PACRG: variants seen among roughly 807,000 people sequenced by gnomAD.
PACRG encodes parkin coregulated gene protein.
PACRG carries 29 observed loss-of-function variants against 29.7 expected under a neutral mutation model. That is an observed-to-expected ratio of 0.98 (90% CI 0.73 to 1.33). The LOEUF (loss-of-function observed/expected upper bound fraction) is 1.33, where lower values mean the gene tolerates loss of function less well. Ranked by LOEUF, PACRG falls within the 40% of genes most tolerant of loss-of-function variation. The pLI is 0.00. For synonymous variants in PACRG, 116 were observed against 118.7 expected, an observed-to-expected ratio of 0.98 and a Z score of 0.15; for missense variants, 279 against 316.2, an observed-to-expected ratio of 0.88 and a Z score of 0.89.
Position 163,090,919 on chromosome 6 carries a change from A to T in PACRG, c.613+1511A>T, listed in dbSNP as rs571086625. ...TCAGTAATCCTCATGCAAACCTATG[A>T]TGCATGTACTATTACTATTTCCATT... is the stretch of plus-strand genomic sequence containing the variant. On this transcript the variant is annotated intron_variant, in intron 4 of 4. Coordinates refer to ENST00000366888, the MANE Select transcript of PACRG (RefSeq NM_001080379.2). Among the ~76,000 whole-genome samples the T allele has an allele frequency of 8.7e-4, 132 of 152,332 alleles. 1 individual carries two copies. The highest frequency in any genetic ancestry group is 3.1e-3 in the African/African-American group (128 of 41,586).
At chr6:163,111,418 C>T (rs2128319569) in intron 4 of PACRG, among the ~76,000 whole-genome samples, 1 of 152,322 alleles carries the variant, frequency 6.6e-6, no homozygotes, top group Admixed American at 6.5e-5. Flanking sequence ...CACTTTTATG[C>T]ATAATGAGGC....
intron 2 of PACRG, chr6:163,060,991 CTACA>C (rs1193587141): frequency 6.6e-6 from 1 of 151,798 alleles, no homozygotes; most frequent in Non-Finnish European, 1.5e-5. Flanking sequence ...TAATTTGTCT[CTACA>C]TAGGGAATAT....
chr6:163,035,682 G>T (rs1808106080), intron 2 of PACRG, among the ~76,000 whole-genome samples: 1 of 151,308 alleles, frequency 6.6e-6, no homozygotes, highest in Non-Finnish European at 1.5e-5. Flanking sequence ...GCCAGGCATG[G>T]TGGTGTGTGC....
chr6:163,031,383 C>T (rs1807647887), intron 2 of PACRG, among the ~76,000 whole-genome samples: 1 of 152,200 alleles, frequency 6.6e-6, no homozygotes, highest in Non-Finnish European at 1.5e-5. Context: ...TTACATTACC[C>T]ATCCCTCTTG....
chr6:163,177,905 C>T (rs780094938), intron 4 of PACRG, among the ~76,000 whole-genome samples: 5 of 151,752 alleles, frequency 3.3e-5, no homozygotes, highest in Admixed American at 6.6e-5. Context: ...CACAGGTCAA[C>T]GCTTCTCTTC....
At chr6:162,781,892 A>G (rs1584335267) in intron 1 of PACRG, among the ~76,000 whole-genome samples, 1 of 151,802 alleles carries the variant, frequency 6.6e-6, no homozygotes, top group East Asian at 1.9e-4. Flanking sequence ...AAAAAAAGCA[A>G]TATGTATATT....
chr6:162,766,505 G>T (rs1782805152), intron 1 of PACRG, among the ~76,000 whole-genome samples: 1 of 152,078 alleles, frequency 6.6e-6, no homozygotes, highest in South Asian at 2.1e-4. Flanking sequence ...GAATAATTCT[G>T]CAATGAACAG....
chr6:163,157,698 A>G (rs1778381477), intron 4 of PACRG, among the ~76,000 whole-genome samples: 1 of 152,140 alleles, frequency 6.6e-6, no homozygotes, highest in South Asian at 2.1e-4. Flanking sequence ...AAGGACACGA[A>G]CCAATGTTTC....
chr6:162,966,649 T>A (rs1366556363), intron 2 of PACRG, among the ~76,000 whole-genome samples: 1 of 152,058 alleles, frequency 6.6e-6, no homozygotes, highest in Non-Finnish European at 1.5e-5. Flanking sequence ...GCTAATTTTT[T>A]GTATTTTTAG....
chr6:162,747,044 G>A (rs2128272066), intron 1 of PACRG, among the ~76,000 whole-genome samples: 2 of 152,004 alleles, frequency 1.3e-5, no homozygotes, highest in African/African-American at 4.8e-5. Flanking sequence ...GTGCTAATTG[G>A]ATTGAAGGAT....
intron 4 of PACRG, among the ~76,000 whole-genome samples, chr6:163,288,696 AC>A (rs1307368704): frequency 1.3e-5 from 2 of 152,194 alleles, no homozygotes; most frequent in Non-Finnish European, 2.9e-5. Flanking sequence ...TGCATAGAGA[AC>A]TTTTTATGAC....
chr6:162,984,214 C>A (rs1469012943), intron 2 of PACRG, among the ~76,000 whole-genome samples: 1 of 151,994 alleles, frequency 6.6e-6, no homozygotes, highest in Non-Finnish European at 1.5e-5. Context: ...AATTATCATT[C>A]TTATGCCTTT....
At chr6:162,812,162 A>G (rs1786926879) in intron 1 of PACRG, among the ~76,000 whole-genome samples, 2 of 152,278 alleles carry the variant, frequency 1.3e-5, no homozygotes, top group Non-Finnish European at 1.5e-5. Flanking sequence ...TCTTGTCTGT[A>G]TCAATGTCAA....
chr6:163,048,101 G>A (rs997257092), intron 2 of PACRG, among the ~76,000 whole-genome samples: 4 of 152,160 alleles, frequency 2.6e-5, no homozygotes, highest in African/African-American at 9.6e-5. Context: ...GACTCTCAGG[G>A]TGTGCTGTGT....
At chr6:163,264,366 G>C (rs767498104) in intron 4 of PACRG, among the ~76,000 whole-genome samples, 5 of 152,116 alleles carry the variant, frequency 3.3e-5, no homozygotes, top group Admixed American at 3.3e-4. Context: ...TCGTCCCTCA[G>C]AGTCACTCCG....
chr6:162,867,896 T>G (rs1422412585), intron 2 of PACRG, among the ~76,000 whole-genome samples: 1 of 152,162 alleles, frequency 6.6e-6, no homozygotes, highest in African/African-American at 2.4e-5. Flanking sequence ...TTAATTCTTT[T>G]CTCTATAACC....
intron 4 of PACRG, among the ~76,000 whole-genome samples, chr6:163,201,420 G>A (rs970334751): frequency 2.6e-5 from 4 of 152,104 alleles, no homozygotes; most frequent in East Asian, 1.9e-4. Context: ...AAAGAGATTC[G>A]GGTGTTCCCT....
intron 4 of PACRG, among the ~76,000 whole-genome samples, chr6:163,240,107 G>A (rs1333714123): frequency 6.6e-6 from 1 of 151,758 alleles, no homozygotes; most frequent in Non-Finnish European, 1.5e-5. Context: ...CACAACTGAC[G>A]CTGGCTCGCG....
In PACRG at chr6:163,110,630, C is replaced by A. The variant is rs117759420; in HGVS notation, c.613+21222C>A. 4.9e-4 allele frequency among the ~76,000 whole-genome samples: 75 copies of A among 152,306 alleles called. 2 individuals carry two copies. In the East Asian group the frequency reaches 0.014, roughly 29 times the overall value. On this transcript the variant is annotated intron_variant, in intron 4 of 4. Transcript: ENST00000366888. The stretch of plus-strand genomic sequence containing the variant: ...CTTCACCACAGAGCCCCTTGTAGAG[C>A]CAAAATACCATGGTGAGGGAGGGTG...
Sources: gnomAD v4.1 joint callset for allele counts (sites outside exome capture counted in the v4.1 genomes callset) on GRCh38, gnomAD v4.1.1 for gene constraint, MANE v1.5 for transcripts, NCBI Gene and HGNC (gene_info 2026-07-23, HGNC 2026-07-21) for gene names.